ACLY: variants seen among roughly 807,000 people sequenced by gnomAD.
ACLY encodes the protein ATP citrate lyase.
ACLY carries 41 observed loss-of-function variants against 133.0 expected under a neutral mutation model. The ratio of observed to expected loss-of-function variants is 0.31; its 90% confidence interval spans 0.24 to 0.40. ACLY has a LOEUF of 0.40. Among genes scored for constraint, ACLY ranks in the 10% least tolerant of loss-of-function variants. The pLI is 1.00. For missense variants in ACLY, 1,046 were observed against 1,453.8 expected, an observed-to-expected ratio of 0.72 and a Z score of 4.56; for synonymous variants, 495 against 549.3, an observed-to-expected ratio of 0.90 and a Z score of 1.38.
In ACLY at chr17:41,867,467, A is replaced by G. The variant is rs1555624079; in HGVS notation, c.*343T>C. The G allele has an allele frequency of 6.0e-6, 1 of 165,794 alleles. No individual in the cohort carries two copies. Among genetic ancestry groups the G allele is most frequent in the Non-Finnish European group, 1.3e-5 (1 of 77,204 alleles). 10.3% of individuals were successfully genotyped at this position (165,794 alleles called of 1,614,324 possible). A position where few individuals can be genotyped will look rare whatever the true frequency, so the allele number is the denominator to read the frequency against. On this transcript the variant is annotated 3_prime_UTR_variant, in exon 29 of 29. Transcript: ENST00000352035. Reference sequence around the variant, plus strand: ...CCAAAGGAGAAAAAAATGTTTAACTAATGGAAAAAGAAAGCAACATCCTAA... The same window carrying G: ...CCAAAGGAGAAAAAAATGTTTAACTGATGGAAAAAGAAAGCAACATCCTAA...
chr17:41,873,692 G>A (rs942164578), intron 23 of ACLY, 119 bp downstream of exon 23: 48 of 1,184,182 alleles, frequency 4.1e-5, no homozygotes, highest in Non-Finnish European at 4.9e-5. Context: ...ATTGACCTGT[G>A]GCCCCAAAGA....
chr17:41,913,642 C>G (rs1300778663), intron 2 of ACLY, 73 bp downstream of exon 2: 16 of 1,534,656 alleles, frequency 1.0e-5, no homozygotes, highest in Non-Finnish European at 1.3e-5. Flanking sequence ...TCGGCATCAC[C>G]AACAAACCAA....
intron 20 of ACLY, among the ~76,000 whole-genome samples, chr17:41,879,632 A>G (rs1224423100): frequency 1.9e-5 from 2 of 105,994 alleles, no homozygotes; most frequent in African/African-American, 3.6e-5. Context: ...GGGTGATAAG[A>G]GCAAGACTCC....
intron 1 of ACLY, among the ~76,000 whole-genome samples, chr17:41,925,567 G>C (rs1232896910): frequency 3.3e-5 from 5 of 151,722 alleles, no homozygotes; most frequent in African/African-American, 1.2e-4. Context: ...AGCCGAGATT[G>C]TGCCACTGCA....
intron 11 of ACLY, 52 bp downstream of exon 11, chr17:41,901,644 G>C (rs549200841): frequency 1.6e-5 from 23 of 1,478,846 alleles, no homozygotes; most frequent in South Asian, 2.3e-5. Flanking sequence ...ATCCCAAAGA[G>C]GAAGGCCACC....
rs1018308769 is a variant in ACLY at position 41,908,562 on chromosome 17, G to A, written c.616+427C>T. 4.6e-5 allele frequency among the ~76,000 whole-genome samples: 7 copies of A among 152,212 alleles called. No individual in the cohort carries two copies. In the East Asian group the frequency reaches 5.8e-4, roughly 13 times the overall value. On this transcript the variant is annotated intron_variant, in intron 6 of 28. Coordinates refer to ENST00000352035, the MANE Select transcript of ACLY (RefSeq NM_001096.3). ...ACAGATTACCTGAGGTCAGGAGTTC[G>A]AGACCAGCCTTGGCCAACATGGTGA...
intron 1 of ACLY, among the ~76,000 whole-genome samples, chr17:41,914,926 C>T (rs2050011854): frequency 6.6e-6 from 1 of 152,146 alleles, no homozygotes; most frequent in South Asian, 2.1e-4. Flanking sequence ...CTGGGAGGTA[C>T]ACTGAGATTT....
At chr17:41,885,936 A>G (rs1400738177) in intron 18 of ACLY, among the ~76,000 whole-genome samples, 176 bp downstream of exon 18, 1 of 151,954 alleles carries the variant, frequency 6.6e-6, no homozygotes, top group Non-Finnish European at 1.5e-5. Flanking sequence ...GTGTTTTCCG[A>G]TTTCATGCTC....
chr17:41,872,482 C>G (rs1019156272), intron 23 of ACLY, among the ~76,000 whole-genome samples: 1 of 152,152 alleles, frequency 6.6e-6, no homozygotes, highest in South Asian at 2.1e-4. Context: ...CGCACCACCA[C>G]GCCAGGCTAA....
chr17:41,907,446 G>A lies in ACLY; in HGVS notation c.743C>T (p.Pro248Leu). 6.2e-7 allele frequency: 1 copy of A among 1,612,868 alleles called. No individual in the cohort carries two copies. Among genetic ancestry groups the A allele is most frequent in the Non-Finnish European group, 8.5e-7 (1 of 1,179,504 alleles). The stretch of plus-strand genomic sequence containing the variant: ...TCCTCTCTAAACCAGCCTTACCTCT[G>A]GATATGCCTCCCGCCCGAAGGGGGG... ...FPPPFGREAY[P>L]EEAYIADLDA... Residue 248 changes from proline (P) to leucine (L), a missense_variant, in exon 7 of 29, where the codon CCA (proline) becomes CTA (leucine). Physicochemically the swap from Pro to Leu is moderately conservative, Grantham distance 98. This residue lies in a region of ACLY where 575 missense variants were observed against 804.2 expected (regional missense o/e 0.71). Coordinates refer to ENST00000352035, the MANE Select transcript of ACLY (RefSeq NM_001096.3).
At chr17:41,893,255 C>A (rs1035932206) in intron 14 of ACLY, 81 bp from the exon 15 acceptor site, 4 of 1,454,422 alleles carry the variant, frequency 2.8e-6, no homozygotes, top group Admixed American at 2.1e-5. Context: ...CCTGACAGAC[C>A]CCTCCACGCC....
intron 18 of ACLY, among the ~76,000 whole-genome samples, chr17:41,885,171 T>C (rs2049018007): frequency 6.6e-6 from 1 of 152,212 alleles, no homozygotes; most frequent in Non-Finnish European, 1.5e-5. Context: ...TAAGCCACTG[T>C]TCTTGGCCTC....
chr17:41,916,119 G>C (rs1253774113), intron 1 of ACLY, among the ~76,000 whole-genome samples: 5 of 152,160 alleles, frequency 3.3e-5, no homozygotes, highest in Non-Finnish European at 7.3e-5. Context: ...CATCTCCATA[G>C]GGTCTTTGGA....
chr17:41,869,875 C>T (rs1372427102), intron 25 of ACLY, among the ~76,000 whole-genome samples: 1 of 152,186 alleles, frequency 6.6e-6, no homozygotes, highest in South Asian at 2.1e-4. Context: ...CCAGGTCCTA[C>T]AGTGTTGAGC....
chr17:41,911,741 G>A (rs2049907886), intron 3 of ACLY, among the ~76,000 whole-genome samples: 1 of 152,158 alleles, frequency 6.6e-6, no homozygotes, highest in Non-Finnish European at 1.5e-5. Flanking sequence ...ACTTGAACCT[G>A]GGAAGTGGAG....
At position 41,867,867 on chromosome 17, in the gene ACLY, C is replaced by T. The variant is rs1280249302; in HGVS notation, c.3249G>A (p.Leu1083=). ...AAATATCATCCCACGGATGACGATA[C>T]AGCCCCTGCTTCAGCCTCTTCTGAT... ...YLDQKRLKQG[L]YRHPWDDISY... The change falls in exon 29 of 29, where the codon CTG becomes CTA. Residue 1083 remains leucine (L), a synonymous_variant. Coordinates refer to ENST00000352035, the MANE Select transcript of ACLY (RefSeq NM_001096.3). The T allele has an allele frequency of 3.1e-6, 5 of 1,611,202 alleles. No individual in the cohort carries two copies. The African/African-American group carries it at 4.0e-5, about 13-fold the overall frequency.
rs374500726 is a variant in ACLY, at chr17:41,872,244, A to T, written c.2643-62T>A. 12 of 1,522,410 alleles carry T rather than the reference A, an allele frequency of 7.9e-6. No individual in the cohort carries two copies. The African/African-American group carries it at 1.5e-4, about 19-fold the overall frequency. 94.3% of individuals were successfully genotyped at this position (1,522,410 alleles called of 1,614,324 possible). On this transcript the variant is annotated intron_variant, in intron 23 of 28. Coordinates refer to ENST00000352035, the MANE Select transcript of ACLY (RefSeq NM_001096.3). ...CAAGGCCATGCTCGTACTTTCCCCC[A>T]TCTCCCTAAACAAGTCATTCAAATC... is the stretch of plus-strand genomic sequence containing the variant.
intron 20 of ACLY, among the ~76,000 whole-genome samples, chr17:41,879,413 C>CTTT (rs1190398954): frequency 1.6e-5 from 2 of 128,840 alleles, no homozygotes; most frequent in Non-Finnish European, 3.3e-5. Context: ...CCCCCCCCGC[C>CTTT]TTTTTTTTTT....
intron 12 of ACLY, 39 bp from the exon 13 acceptor site, chr17:41,897,878 C>T (rs1555630736): frequency 1.9e-6 from 3 of 1,571,722 alleles, no homozygotes; most frequent in Non-Finnish European, 8.6e-7. Flanking sequence ...AGGTAAGAGT[C>T]ACACCTGGGA....
Sources: allele counts gnomAD v4.1 joint callset (sites outside exome capture counted in the v4.1 genomes callset), GRCh38; gene constraint gnomAD v4.1.1; regional missense constraint gnomAD v4.1.1; transcripts MANE v1.5; gene names NCBI Gene and HGNC (gene_info 2026-07-23, HGNC 2026-07-21).